The following RAB21 variants were observed in gnomAD, a reference collection of about 807,000 sequenced individuals.
RAB21 encodes the protein ras-related protein Rab-21.
Under a neutral mutation model 33.1 loss-of-function variants are expected in RAB21, and 13 were observed. That is an observed-to-expected ratio of 0.39 (90% confidence interval 0.26 to 0.62). The LOEUF is 0.62. Ranked by LOEUF, RAB21 falls within the 20% of genes least tolerant of loss-of-function variation. The pLI is 0.48. For synonymous variants in RAB21, 91 were observed against 103.7 expected (o/e 0.88, Z 0.74); for missense variants, 234 against 279.1 (o/e 0.84, Z 1.15).
At chr12:71,758,275 C>T (rs1275901371) in intron 1 of RAB21, among the ~76,000 whole-genome samples, 2 of 151,946 alleles carry the variant, frequency 1.3e-5, no homozygotes, top group Non-Finnish European at 2.9e-5. Context: ...TCAGGTGATC[C>T]ACCTGCCTCG....
intron 4 of RAB21, among the ~76,000 whole-genome samples, chr12:71,777,795 T>C (rs1422567802): frequency 6.6e-6 from 1 of 152,168 alleles, no homozygotes; most frequent in African/African-American, 2.4e-5. Context: ...TTTTATTGTG[T>C]CAGTATGTCT....
At chr12:71,768,904 A>G (rs887249741) in intron 1 of RAB21, among the ~76,000 whole-genome samples, 5 of 152,144 alleles carry the variant, frequency 3.3e-5, no homozygotes, top group Non-Finnish European at 7.3e-5. Context: ...ATAAAAATCA[A>G]TACATAGTAT....
chr12:71,772,866 A>G (rs1883064155), intron 3 of RAB21, among the ~76,000 whole-genome samples: 1 of 152,150 alleles, frequency 6.6e-6, no homozygotes, highest in African/African-American at 2.4e-5. Flanking sequence ...GATGATAACT[A>G]CCTTTGCTTT....
chr12:71,776,066 G>A (rs1174836131), intron 4 of RAB21, among the ~76,000 whole-genome samples: 3 of 152,144 alleles, frequency 2.0e-5, no homozygotes, highest in African/African-American at 7.2e-5. Flanking sequence ...TCAGTACTGA[G>A]TTTTGTGTAA....
intron 6 of RAB21, among the ~76,000 whole-genome samples, chr12:71,784,410 C>G (rs1883249430): frequency 6.6e-6 from 1 of 152,030 alleles, no homozygotes; most frequent in Non-Finnish European, 1.5e-5. Flanking sequence ...GAAGATTTTT[C>G]TCCTGTGTTT....
chr12:71,782,776 G>GACTATTGACTATTAA, intron 6 of RAB21, 118 bp downstream of exon 6: 1 of 650,960 alleles, frequency 1.5e-6, no homozygotes, highest in Non-Finnish European at 2.5e-6. Context: ...TTAAACTATT[G>GACTATTGACTATTAA]ACTATTGGTA....
chr12:71,769,364 A>G lies in RAB21; in HGVS notation c.160-436A>G, dbSNP rs140088459. Among the ~76,000 whole-genome samples the G allele has an allele frequency of 3.1e-3, 476 of 152,306 alleles. 4 individuals carry two copies. Among genetic ancestry groups the G allele is most frequent in the African/African-American group, 0.01 (430 of 41,576 alleles). On this transcript the variant is annotated intron_variant, in intron 1 of 6. Transcript: ENST00000261263. Reference sequence around the variant, plus strand: ...TTAGGATAATTATTGAATATATGTTAAACAATTGAGTTATGAAGTAACTGT... The same window carrying G: ...TTAGGATAATTATTGAATATATGTTGAACAATTGAGTTATGAAGTAACTGT...
chr12:71,794,918 CAG>C lies in RAB21; in HGVS notation c.*9248_*9249del, dbSNP rs926065292. On this transcript the variant is annotated 3_prime_UTR_variant, in exon 7 of 7. Coordinates refer to ENST00000261263, the MANE Select transcript of RAB21 (RefSeq NM_014999.4). ...TGCCACTGGACTCCAGCCTCGGTGA[CAG>C]AGTGAGACTCTGTCTCAAAAAAAAA... The C allele has an allele frequency of 1.3e-5, 2 of 151,054 alleles. No individual in the cohort carries two copies. Among genetic ancestry groups the C allele is most frequent in the East Asian group, 4.0e-4 (2 of 5,058 alleles). 9.4% of individuals were successfully genotyped at this position (151,054 alleles called of 1,614,324 possible). A position where few individuals can be genotyped will look rare whatever the true frequency, so the allele number is the denominator to read the frequency against.
chr12:71,773,971 G>A lies in RAB21; in HGVS notation c.340G>A (p.Val114Ile), dbSNP rs752739801. The A allele has an allele frequency of 6.3e-7, 1 of 1,591,976 alleles. No individual in the cohort carries two copies. Among genetic ancestry groups the A allele is most frequent in the Non-Finnish European group, 8.6e-7 (1 of 1,168,720 alleles). Residue 114 changes from valine (V) to isoleucine (I), a missense_variant, in exon 4 of 7, where the codon GTC becomes ATC. Transcript: ENST00000261263. ...EDSFQKVKNW[V>I]KELRKMLGNE... ...TTTGTATATACAGGTAAAAAACTGG[G>A]TCAAAGAATTACGGAAAATGTTGGG...
rs978370056 is a variant in RAB21 at position 71,796,033 on chromosome 12, C to T, written c.*10360C>T. 7 of 137,454 alleles carry T rather than the reference C, an allele frequency of 5.1e-5. 1 individual carries two copies. Among genetic ancestry groups the T allele is most frequent in the South Asian group, 2.6e-4 (1 of 3,796 alleles). The allele number at this position is 137,454 out of a possible 1,614,324, so 8.5% of individuals were successfully genotyped here. On this transcript the variant is annotated 3_prime_UTR_variant, in exon 7 of 7. Coordinates refer to ENST00000261263, the MANE Select transcript of RAB21 (RefSeq NM_014999.4). ...TTTATGACATTCTAATGTACATACT[C>T]GCCAAGAAATGCTACAAGGAGCCTC...
chr12:71,774,291 C>CAAAAAAAAAAA (rs143403147), intron 4 of RAB21: 1 of 27,638 alleles, frequency 3.6e-5, no homozygotes, highest in Non-Finnish European at 6.1e-5. Context: ...TCTAAAAATA[C>CAAAAAAAAAAA]AAAAAAAAAA....
chr12:71,780,279 G>C (rs1379859441), intron 4 of RAB21, among the ~76,000 whole-genome samples: 1 of 152,094 alleles, frequency 6.6e-6, no homozygotes, highest in Non-Finnish European at 1.5e-5. Context: ...TAAATACCTA[G>C]AAAAAAATTC....
At chr12:71,784,957 G>A (rs1189587263) in intron 6 of RAB21, among the ~76,000 whole-genome samples, 1 of 151,940 alleles carries the variant, frequency 6.6e-6, no homozygotes, top group African/African-American at 2.4e-5. Context: ...GCCAGGCATG[G>A]TGTTGCATAC....
At chr12:71,775,305 C>G (rs1323716269) in intron 4 of RAB21, among the ~76,000 whole-genome samples, 1 of 152,174 alleles carries the variant, frequency 6.6e-6, no homozygotes, top group Non-Finnish European at 1.5e-5. Context: ...TGCCCAGTGT[C>G]AGGTAGCTTT....
At chr12:71,755,559 C>T (rs569555796) in intron 1 of RAB21, among the ~76,000 whole-genome samples, 3 of 152,290 alleles carry the variant, frequency 2.0e-5, no homozygotes, top group Admixed American at 2.0e-4. Flanking sequence ...GGTCTCCGTC[C>T]GTGGGCTGTT....
At chr12:71,769,943 C>CTTTTTTTTT (rs578245368) in intron 2 of RAB21, 84 bp downstream of exon 2, 1 of 394,914 alleles carries the variant, frequency 2.5e-6, no homozygotes, top group African/African-American at 2.2e-5. Flanking sequence ...TTAGCCAACA[C>CTTTTTTTTT]TTTTTTTTTT....
chr12:71,786,759 G>C lies in RAB21; in HGVS notation c.*1086G>C, dbSNP rs1321478480. The C allele has an allele frequency of 6.6e-6, 1 of 152,336 alleles. No individual in the cohort carries two copies. The highest frequency in any genetic ancestry group is 1.5e-5 in the Non-Finnish European group (1 of 68,026). 9.4% of individuals were successfully genotyped at this position (152,336 alleles called of 1,614,324 possible). On this transcript the variant is annotated 3_prime_UTR_variant, in exon 7 of 7. Coordinates refer to ENST00000261263, the MANE Select transcript of RAB21 (RefSeq NM_014999.4). ...TACATACTTTACTTGAATTATTGCT[G>C]TTGTCACATATTTTTGCCTCTGTGA...
At chr12:71,758,401 C>T (rs539714522) in intron 1 of RAB21, among the ~76,000 whole-genome samples, 1 of 152,240 alleles carries the variant, frequency 6.6e-6, no homozygotes, top group South Asian at 2.1e-4. Context: ...TATGACATTC[C>T]TTCTGATAGT....
Position 71,788,604 on chromosome 12 carries a change from A to G in RAB21, c.*2931A>G, listed in dbSNP as rs1053633263. The G allele has an allele frequency of 6.6e-6, 1 of 152,152 alleles. No individual in the cohort carries two copies. The highest frequency in any genetic ancestry group is 2.4e-5 in the African/African-American group (1 of 41,430). 9.4% of individuals were successfully genotyped at this position (152,152 alleles called of 1,614,324 possible). A position where few individuals can be genotyped will look rare whatever the true frequency, so the allele number is the denominator to read the frequency against. On this transcript the variant is annotated 3_prime_UTR_variant, in exon 7 of 7. Transcript: ENST00000261263. Reference sequence around the variant, plus strand: ...TACCTTTTGCATTCTTTTTCTGATAATTGTGCTATTAGGCAGAAGACACAA... The same window carrying G: ...TACCTTTTGCATTCTTTTTCTGATAGTTGTGCTATTAGGCAGAAGACACAA...
Sources: gnomAD v4.1 joint callset for allele counts (sites outside exome capture counted in the v4.1 genomes callset) on GRCh38, gnomAD v4.1.1 for gene constraint, MANE v1.5 for transcripts, NCBI Gene and HGNC (gene_info 2026-07-23, HGNC 2026-07-21) for gene names.